DOCK8: variants seen among roughly 807,000 people sequenced by gnomAD.
DOCK8 encodes dedicator of cytokinesis 8.
Under a neutral mutation model 245.6 loss-of-function variants are expected in DOCK8, and 141 were observed. The ratio of observed to expected loss-of-function variants is 0.57; its 90% CI spans 0.50 to 0.66. DOCK8 has a LOEUF of 0.66. Ranked by LOEUF, DOCK8 falls within the 30% of genes least tolerant of loss-of-function variation. DOCK8 has a pLI of 0.00. For synonymous variants in DOCK8, 1,168 were observed against 970.2 expected (o/e 1.20, Z -3.79); for missense variants, 2,965 against 2,603.4 (o/e 1.14, Z -3.02).
intron 44 of DOCK8, among the ~76,000 whole-genome samples, chr9:447,183 C>T (rs938761849): frequency 6.6e-6 from 1 of 152,142 alleles, no homozygotes; most frequent in African/African-American, 2.4e-5. Flanking sequence ...AAGTACAGTA[C>T]AAGATTATAC....
intron 4 of DOCK8, among the ~76,000 whole-genome samples, chr9:293,745 C>G (rs1220579959): frequency 2.0e-5 from 3 of 152,210 alleles, no homozygotes; most frequent in Non-Finnish European, 4.4e-5. Flanking sequence ...TCCAGTTTTT[C>G]TGTGTCTTCA....
intron 7 of DOCK8, among the ~76,000 whole-genome samples, chr9:317,969 T>C (rs1312467247): frequency 2.1e-5 from 1 of 48,622 alleles, no homozygotes; most frequent in African/African-American, 1.1e-4. Flanking sequence ...TTGTATACTA[T>C]GATAGCAAAA....
chr9:352,899 C>G (rs2052245307), intron 14 of DOCK8, among the ~76,000 whole-genome samples: 1 of 152,106 alleles, frequency 6.6e-6, no homozygotes, highest in Non-Finnish European at 1.5e-5. Flanking sequence ...TCAGCTCCTT[C>G]CTCACCATGT....
chr9:224,210 T>C (rs897787783), intron 1 of DOCK8, among the ~76,000 whole-genome samples: 2 of 152,204 alleles, frequency 1.3e-5, no homozygotes, highest in Admixed American at 1.3e-4. Context: ...AATTACTCCT[T>C]AATATTATAA....
chr9:364,356 G>A (rs2052875643), intron 14 of DOCK8, among the ~76,000 whole-genome samples: 1 of 152,122 alleles, frequency 6.6e-6, no homozygotes, highest in Admixed American at 6.5e-5. Flanking sequence ...AATGTGGCTG[G>A]GCATAGTGAC....
intron 12 of DOCK8, among the ~76,000 whole-genome samples, chr9:337,840 C>G (rs1285219413): frequency 1.3e-5 from 2 of 152,144 alleles, no homozygotes; most frequent in Non-Finnish European, 2.9e-5. Context: ...GTGCTTAACA[C>G]TACTGAATTG....
At chr9:329,232 G>A (rs1208348366) in intron 9 of DOCK8, among the ~76,000 whole-genome samples, 2 of 152,080 alleles carry the variant, frequency 1.3e-5, no homozygotes, top group Admixed American at 6.6e-5. Flanking sequence ...GATTACAGGC[G>A]TGAGCCACTG....
intron 1 of DOCK8, among the ~76,000 whole-genome samples, chr9:237,101 C>A (rs1175366318): frequency 6.6e-6 from 1 of 152,210 alleles, no homozygotes. Flanking sequence ...GCCACAAAAG[C>A]CCAGTCACAA....
intron 2 of DOCK8, among the ~76,000 whole-genome samples, chr9:276,766 C>T (rs928220173): frequency 3.9e-5 from 6 of 152,110 alleles, no homozygotes; most frequent in Admixed American, 3.9e-4. Context: ...ATAATCAGTA[C>T]CTCTGTTAAA....
At chr9:235,627 C>T (rs1265119912) in intron 1 of DOCK8, among the ~76,000 whole-genome samples, 1 of 152,224 alleles carries the variant, frequency 6.6e-6, no homozygotes, top group Non-Finnish European at 1.5e-5. Context: ...CCAAGCCTCG[C>T]TGCCGCCTTG....
intron 26 of DOCK8, among the ~76,000 whole-genome samples, chr9:400,843 C>CACCACCA (rs1379703636): frequency 1.8e-5 from 2 of 109,660 alleles, no homozygotes; most frequent in East Asian, 6.1e-4. Context: ...TCACCACCAC[C>CACCACCA]TCCACCATCA....
intron 2 of DOCK8, among the ~76,000 whole-genome samples, chr9:272,024 G>T (rs116442348): frequency 3.5e-4 from 53 of 152,208 alleles, no homozygotes; most frequent in African/African-American, 1.2e-3. Context: ...GGGGGAGAAG[G>T]GCTAGCCCAA....
At position 434,845 on chromosome 9, in the gene DOCK8, A is replaced by G. The variant is rs2056841434; in HGVS notation, c.4949A>G (p.Glu1650Gly). The G allele has an allele frequency of 1.9e-6, 3 of 1,614,078 alleles. No homozygotes were observed. Among genetic ancestry groups the G allele is most frequent in the Non-Finnish European group, 2.5e-6 (3 of 1,180,062 alleles). The change falls in exon 39 of 48, where the codon GAG becomes GGG. Residue 1650 changes from glutamate (E) to glycine (G), a missense_variant. Glu to Gly is a moderately conservative substitution (Grantham distance 98). Transcript: ENST00000432829. ...CTGACCTGGCTCCAGAACATGGCAG[A>G]GAAACACACCAAGAAGAAGTGCTAC... The part of the protein sequence containing the change: ...LRLTWLQNMA[E>G]KHTKKKCYTE...
intron 20 of DOCK8, among the ~76,000 whole-genome samples, chr9:378,024 G>A (rs1351019802): frequency 6.6e-6 from 1 of 152,126 alleles, no homozygotes; most frequent in Non-Finnish European, 1.5e-5. Context: ...CGTCTTTTGG[G>A]TACCATCCAT....
At chr9:376,003 A>T (rs1200651198) in intron 18 of DOCK8, among the ~76,000 whole-genome samples, 1 of 152,210 alleles carries the variant, frequency 6.6e-6, no homozygotes, top group East Asian at 1.9e-4. Flanking sequence ...CTCAAAAGGA[A>T]TGAATAAATA....
Position 328,113 on chromosome 9 carries a change from C to T in DOCK8, c.986C>T (p.Ala329Val), listed in dbSNP as rs75352090. The T allele has an allele frequency of 3.5e-4, 565 of 1,614,204 alleles. 1 individual carries two copies. Among genetic ancestry groups the T allele is most frequent in the Admixed American group, 3.0e-3 (180 of 60,026 alleles). Residue 329 changes from alanine (A) to valine (V), a missense_variant, in exon 9 of 48, where the codon GCG (alanine) becomes GTG (valine). This residue lies in a region of DOCK8 where 2,825 missense variants were observed against 2,453.5 expected (regional missense o/e 1.15). Transcript: ENST00000432829. ...CCTTCAGTGGCCGCATCAAGTCAGG[C>T]GAGATCTGCAGTCTTCTCAGTCACC... Reference protein sequence around the residue: ...HTPSVAASSQARSAVFSVTYP... With the variant: ...HTPSVAASSQVRSAVFSVTYP...
chr9:222,175 G>C (rs1207431411), intron 1 of DOCK8, among the ~76,000 whole-genome samples: 1 of 151,540 alleles, frequency 6.6e-6, no homozygotes, highest in African/African-American at 2.4e-5. Context: ...AGGTGGGAGG[G>C]TCACTTGAGA....
At chr9:309,497 C>T (rs1040970921) in intron 5 of DOCK8, among the ~76,000 whole-genome samples, 1 of 152,146 alleles carries the variant, frequency 6.6e-6, no homozygotes, top group African/African-American at 2.4e-5. Context: ...AGTCCTACAA[C>T]ATATAGTTGA....
chr9:229,162 CT>C (rs1298580652), intron 1 of DOCK8, among the ~76,000 whole-genome samples: 1 of 152,136 alleles, frequency 6.6e-6, no homozygotes, highest in Non-Finnish European at 1.5e-5. Flanking sequence ...AAAGGAGGGG[CT>C]GCAAAATAGT....
Sources: gnomAD v4.1 joint callset for allele counts (sites outside exome capture counted in the v4.1 genomes callset) on GRCh38, gnomAD v4.1.1 for gene constraint, gnomAD v4.1.1 regional missense constraint, MANE v1.5 for transcripts, NCBI Gene and HGNC (gene_info 2026-07-23, HGNC 2026-07-21) for gene names.